The following FNDC3A variants were observed in gnomAD, a reference collection of about 807,000 sequenced individuals.
FNDC3A encodes the protein fibronectin type-III domain-containing protein 3A.
A neutral mutation model predicts 148.9 loss-of-function variants in FNDC3A; 32 were observed. That is an observed-to-expected ratio of 0.21 (90% CI 0.16 to 0.29). The LOEUF (loss-of-function observed/expected upper bound fraction) is 0.29. FNDC3A is among the 10% of genes least tolerant of loss of function. The pLI is 1.00. For missense variants in FNDC3A, 1,191 were observed against 1,452.8 expected (o/e 0.82, Z 2.93); for synonymous variants, 472 against 473.6 (o/e 1.00, Z 0.04).
At chr13:49,123,967 C>A (rs771819952) in intron 4 of FNDC3A, among the ~76,000 whole-genome samples, 1 of 152,130 alleles carries the variant, frequency 6.6e-6, no homozygotes, top group Non-Finnish European at 1.5e-5. Flanking sequence ...ACCACAAATA[C>A]CATTTGACCC....
intron 2 of FNDC3A, among the ~76,000 whole-genome samples, chr13:49,071,352 C>G (rs1369659353): frequency 2.0e-5 from 3 of 152,072 alleles, no homozygotes; most frequent in Non-Finnish European, 4.4e-5. Context: ...ATACAAATAT[C>G]TCTTTGATAT....
At chr13:49,034,218 A>T (rs559941224) in intron 2 of FNDC3A, among the ~76,000 whole-genome samples, 3 of 152,166 alleles carry the variant, frequency 2.0e-5, no homozygotes, top group Non-Finnish European at 4.4e-5. Context: ...GTGAAATTAT[A>T]AATCTGGAAA....
At chr13:49,028,562 GAC>G (rs1324242175) in intron 2 of FNDC3A, among the ~76,000 whole-genome samples, 1 of 152,076 alleles carries the variant, frequency 6.6e-6, no homozygotes, top group Non-Finnish European at 1.5e-5. Flanking sequence ...TGAAATCAAA[GAC>G]ACAAATAGGT....
At chr13:49,070,881 C>CTTTTTTTTTTT (rs758290861) in intron 2 of FNDC3A, among the ~76,000 whole-genome samples, 1,660 of 120,372 alleles carry the variant, frequency 0.014, no homozygotes, top group Non-Finnish European at 0.016. Context: ...AACAGGATTT[C>CTTTTTTTTTTT]TTTTTTTTTT....
intron 2 of FNDC3A, among the ~76,000 whole-genome samples, chr13:49,067,365 G>T (rs1877335544): frequency 6.6e-6 from 1 of 152,090 alleles, no homozygotes; most frequent in South Asian, 2.1e-4. Flanking sequence ...TTCTCTCTGT[G>T]CAGATTGTTG....
intron 3 of FNDC3A, among the ~76,000 whole-genome samples, chr13:49,092,129 C>T (rs1879230213): frequency 6.6e-6 from 1 of 152,240 alleles, no homozygotes; most frequent in Non-Finnish European, 1.5e-5. Flanking sequence ...ACTGACACCT[C>T]AAGCACCATT....
chr13:49,197,047 A>G (rs774466932), intron 20 of FNDC3A, 57 bp downstream of exon 20: 2 of 1,005,600 alleles, frequency 2.0e-6, no homozygotes, highest in Admixed American at 4.4e-5. Flanking sequence ...AATAGTTTAT[A>G]TAAAAGAATA....
At chr13:49,180,122 A>G (rs183989538) in intron 14 of FNDC3A, among the ~76,000 whole-genome samples, 5 of 152,282 alleles carry the variant, frequency 3.3e-5, no homozygotes, top group Admixed American at 3.3e-4. Context: ...GATACCTTCA[A>G]TTCTAATCCA....
intron 3 of FNDC3A, among the ~76,000 whole-genome samples, chr13:49,112,502 A>C (rs1880640239): frequency 6.6e-6 from 1 of 152,188 alleles, no homozygotes; most frequent in Non-Finnish European, 1.5e-5. Flanking sequence ...AAACTTAAGA[A>C]AATTTTATTC....
intron 24 of FNDC3A, among the ~76,000 whole-genome samples, chr13:49,202,354 G>C (rs1264690895): frequency 1.3e-5 from 2 of 152,168 alleles, no homozygotes; most frequent in East Asian, 3.8e-4. Context: ...TTGGTCATCT[G>C]TTAAGCAAAA....
chr13:49,022,981 T>A (rs1027850665), intron 2 of FNDC3A, among the ~76,000 whole-genome samples: 1 of 152,100 alleles, frequency 6.6e-6, no homozygotes, highest in African/African-American at 2.4e-5. Flanking sequence ...TTTTAAAAAA[T>A]TTATGATAAA....
chr13:49,198,714 T>G (rs1886277861), intron 23 of FNDC3A, 140 bp downstream of exon 23: 1 of 682,740 alleles, frequency 1.5e-6, no homozygotes, highest in Non-Finnish European at 2.5e-6. Flanking sequence ...GGCGAATTGC[T>G]TGAGCCCAGG....
chr13:49,028,413 T>A (rs1229448768), intron 2 of FNDC3A, among the ~76,000 whole-genome samples: 2 of 152,002 alleles, frequency 1.3e-5, no homozygotes, highest in African/African-American at 4.8e-5. Flanking sequence ...GCTAATTTTT[T>A]AATTTCTTGT....
intron 23 of FNDC3A, chr13:49,201,284 A>T (rs1454253492): frequency 6.1e-6 from 1 of 163,462 alleles, no homozygotes; most frequent in African/African-American, 2.4e-5. Flanking sequence ...CTCTAAAAAA[A>T]CGTCACCAAG....
At position 49,114,684 on chromosome 13, in the gene FNDC3A, A is replaced by T. The variant is rs1402679536; in HGVS notation, c.205A>T (p.Asn69Tyr). The T allele has an allele frequency of 3.7e-6, 6 of 1,613,404 alleles. No individual in the cohort carries two copies. Among genetic ancestry groups the T allele is most frequent in the Non-Finnish European group, 5.1e-6 (6 of 1,179,370 alleles). Residue 69 changes from asparagine to tyrosine, a missense_variant, in exon 4 of 26, where the codon AAT becomes TAT. Physicochemically the swap from Asn to Tyr is moderately radical, Grantham distance 143. Around this residue, in one of 3 missense-constraint regions of FNDC3A, gnomAD observed 426 missense variants for 473.2 expected, o/e 0.90. Transcript: ENST00000492622. ...TGCTCAGGTTCCAATGATGTCCCCAAATGGTTCTGTGCCTCCTATCTATGT... is the reference window on the plus strand; with the variant it reads ...TGCTCAGGTTCCAATGATGTCCCCATATGGTTCTGTGCCTCCTATCTATGT... ...GPAQVPMMSP[N>Y]GSVPPIYVPP...
At chr13:48,994,700 C>T (rs764733605) in intron 1 of FNDC3A, among the ~76,000 whole-genome samples, 4 of 151,992 alleles carry the variant, frequency 2.6e-5, no homozygotes, top group Admixed American at 6.6e-5. Context: ...ATTGCTTGAA[C>T]CTGGGAAGCG....
intron 8 of FNDC3A, among the ~76,000 whole-genome samples, chr13:49,159,183 G>A (rs184628861): frequency 5.5e-4 from 84 of 152,270 alleles, no homozygotes; most frequent in Admixed American, 4.1e-3. Flanking sequence ...TGATGGGGAT[G>A]ACATTGAATC....
At chr13:49,157,482 C>CA (rs1298763950) in intron 8 of FNDC3A, among the ~76,000 whole-genome samples, 6 of 147,424 alleles carry the variant, frequency 4.1e-5, no homozygotes, top group African/African-American at 1.2e-4. Context: ...TCCCGTAGCT[C>CA]AGAGTAATTT....
At chr13:49,066,181 A>C (rs1295078465) in intron 2 of FNDC3A, among the ~76,000 whole-genome samples, 2 of 152,152 alleles carry the variant, frequency 1.3e-5, no homozygotes, top group East Asian at 1.9e-4. Context: ...TTCTTAAAAA[A>C]CTGTATTCCT....
Sources: allele counts gnomAD v4.1 joint callset (sites outside exome capture counted in the v4.1 genomes callset), GRCh38; gene constraint gnomAD v4.1.1; regional missense constraint gnomAD v4.1.1; transcripts MANE v1.5; gene names NCBI Gene and HGNC (gene_info 2026-07-23, HGNC 2026-07-21).